The following MCPH1 variants were observed in gnomAD, a reference collection of about 807,000 sequenced individuals.
MCPH1 encodes the protein microcephalin.
Under a neutral mutation model 84.5 loss-of-function variants are expected in MCPH1, and 104 were observed. The observed-to-expected ratio is 1.23, with a 90% CI of 1.05 to 1.45. MCPH1 has a LOEUF of 1.45. MCPH1 is among the 40% of genes most tolerant of loss of function. The pLI, the probability that MCPH1 is intolerant of heterozygous loss-of-function variation, is 0.00. For synonymous variants in MCPH1, 514 were observed against 366.8 expected (o/e 1.40, Z -4.58); for missense variants, 1,498 against 1,005.7 (o/e 1.49, Z -6.62).
intron 12 of MCPH1, among the ~76,000 whole-genome samples, chr8:6,555,239 A>G (rs1180554143): frequency 1.3e-5 from 2 of 152,160 alleles, no homozygotes; most frequent in African/African-American, 4.8e-5. Context: ...GGACAATAAC[A>G]ATCAAACCGT....
At chr8:6,584,258 G>A (rs984194822) in intron 12 of MCPH1, among the ~76,000 whole-genome samples, 1 of 152,184 alleles carries the variant, frequency 6.6e-6, no homozygotes, top group African/African-American at 2.4e-5. Flanking sequence ...AAGTTCATCT[G>A]GTGCAGCTAC....
intron 12 of MCPH1, among the ~76,000 whole-genome samples, chr8:6,614,628 C>T (rs1040454234): frequency 3.3e-5 from 5 of 152,214 alleles, no homozygotes; most frequent in Admixed American, 1.3e-4. Flanking sequence ...GAATAATCAA[C>T]GTGACTTGTC....
rs552658218 is a variant in MCPH1 at position 6,560,095 on chromosome 8, A to G, written c.2214+60166A>G. On this transcript the variant is annotated intron_variant, in intron 12 of 13. Transcript: ENST00000344683. ...TTATTTGCCCTAAAATGAACCAGAA[A>G]CTTGGTCTTAGTTTCCTTCCTGACA... is the stretch of plus-strand genomic sequence containing the variant. Among the ~76,000 whole-genome samples, 8 of 152,304 alleles carry G rather than the reference A, an allele frequency of 5.3e-5. No individual in the cohort carries two copies. In the East Asian group the frequency reaches 1.5e-3, roughly 29 times the overall value.
intron 12 of MCPH1, among the ~76,000 whole-genome samples, chr8:6,578,063 C>A (rs1176871593): frequency 6.6e-6 from 1 of 152,230 alleles, no homozygotes; most frequent in Non-Finnish European, 1.5e-5. Context: ...CTCCCCTGCT[C>A]AGTAGATCAG....
At chr8:6,522,108 C>G (rs1045609953) in intron 12 of MCPH1, among the ~76,000 whole-genome samples, 5 of 152,220 alleles carry the variant, frequency 3.3e-5, no homozygotes, top group Non-Finnish European at 7.3e-5. Flanking sequence ...GTAATCCCAG[C>G]ACTTTGGGAG....
At chr8:6,408,960 A>G (rs1798143746) in intron 1 of MCPH1, among the ~76,000 whole-genome samples, 1 of 151,150 alleles carries the variant, frequency 6.6e-6, no homozygotes, top group Non-Finnish European at 1.5e-5. Context: ...ATCTCGGCTC[A>G]CTGCAACCTC....
chr8:6,466,908 C>T (rs1234052399), intron 9 of MCPH1, among the ~76,000 whole-genome samples: 3 of 152,278 alleles, frequency 2.0e-5, no homozygotes, highest in Non-Finnish European at 2.9e-5. Flanking sequence ...CCTTTCCTTA[C>T]GTCTTTAACT....
chr8:6,608,846 T>C (rs1401548598), intron 12 of MCPH1, among the ~76,000 whole-genome samples: 1 of 152,148 alleles, frequency 6.6e-6, no homozygotes, highest in Non-Finnish European at 1.5e-5. Context: ...GCTTTAACAA[T>C]CACTAATGCC....
intron 9 of MCPH1, among the ~76,000 whole-genome samples, chr8:6,457,747 C>T (rs951410541): frequency 1.3e-5 from 2 of 152,172 alleles, no homozygotes; most frequent in Admixed American, 6.5e-5. Context: ...TTCTGTATTG[C>T]GTCTCGCCAA....
chr8:6,537,872 G>A (rs535635565), intron 12 of MCPH1, among the ~76,000 whole-genome samples: 2 of 152,232 alleles, frequency 1.3e-5, no homozygotes, highest in Admixed American at 6.5e-5. Context: ...GTAGATGCTG[G>A]TTGAGAGATC....
At chr8:6,429,091 C>A (rs1801470439) in intron 3 of MCPH1, among the ~76,000 whole-genome samples, 1 of 152,220 alleles carries the variant, frequency 6.6e-6, no homozygotes, top group Non-Finnish European at 1.5e-5. Flanking sequence ...TCTTTCCACT[C>A]TTGATTGCAG....
intron 12 of MCPH1, among the ~76,000 whole-genome samples, chr8:6,579,245 C>T (rs1827359504): frequency 6.6e-6 from 1 of 152,216 alleles, no homozygotes; most frequent in Non-Finnish European, 1.5e-5. Context: ...GAAGTGACAT[C>T]GGCAGAGTTC....
intron 1 of MCPH1, 112 bp downstream of exon 1, chr8:6,406,801 G>A: frequency 1.6e-6 from 2 of 1,218,810 alleles, no homozygotes; most frequent in Non-Finnish European, 2.4e-6. Flanking sequence ...CCCCTCCCTC[G>A]CTGCCTGTCT....
intron 2 of MCPH1, among the ~76,000 whole-genome samples, chr8:6,409,733 A>G (rs1040102474): frequency 6.6e-6 from 1 of 152,254 alleles, no homozygotes; most frequent in Admixed American, 6.5e-5. Flanking sequence ...TGGATATACA[A>G]GTCTGGAGCT....
chr8:6,421,928 G>A (rs996175557), intron 3 of MCPH1, among the ~76,000 whole-genome samples: 5 of 152,196 alleles, frequency 3.3e-5, no homozygotes, highest in African/African-American at 7.2e-5. Context: ...ACTCTGCCCC[G>A]TCTTCCTGAT....
At chr8:6,453,948 A>G (rs959928423) in intron 8 of MCPH1, among the ~76,000 whole-genome samples, 1 of 152,200 alleles carries the variant, frequency 6.6e-6, no homozygotes, top group Non-Finnish European at 1.5e-5. Context: ...TCCAGGGCCC[A>G]GGCTGCAAAT....
Position 6,414,814 on chromosome 8 carries a change from G to A in MCPH1, c.164G>A (p.Gly55Asp). ...KQVTHVIFKD[G>D]YQSTWDKAQK... ...GTAACTCACGTTATCTTCAAAGATG[G>A]CTACCAGAGCACTTGGGACAAAGCT... The change falls in exon 3 of 14, where the codon GGC becomes GAC. Residue 55 changes from glycine (G) to aspartate (D), a missense_variant. Coordinates refer to ENST00000344683, the MANE Select transcript of MCPH1 (RefSeq NM_024596.5). The A allele has an allele frequency of 6.2e-7, 1 of 1,613,790 alleles. No individual in the cohort carries two copies. Among genetic ancestry groups the A allele is most frequent in the Non-Finnish European group, 8.5e-7 (1 of 1,179,896 alleles).
chr8:6,505,462 ATATT>A (rs1441507615), intron 12 of MCPH1, among the ~76,000 whole-genome samples: 1 of 77,662 alleles, frequency 1.3e-5, no homozygotes, highest in African/African-American at 4.2e-5. Flanking sequence ...TAGAATATAT[ATATT>A]CTTTACATAT....
intron 12 of MCPH1, chr8:6,532,233 T>C: frequency 7.3e-7 from 1 of 1,375,588 alleles, no homozygotes; most frequent in Non-Finnish European, 1.0e-6. Flanking sequence ...GGTGGTGCTT[T>C]CTTTAGTTTC....
Sources: allele counts gnomAD v4.1 joint callset (sites outside exome capture counted in the v4.1 genomes callset), GRCh38; gene constraint gnomAD v4.1.1; transcripts MANE v1.5; gene names NCBI Gene and HGNC (gene_info 2026-07-23, HGNC 2026-07-21).